PTDSS1: variants seen among roughly 807,000 people sequenced by gnomAD.
The protein encoded by PTDSS1 is phosphatidylserine synthase 1.
PTDSS1 carries 45 observed loss-of-function variants against 70.5 expected under a neutral mutation model. The observed-to-expected ratio is 0.64, with a 90% CI of 0.50 to 0.82. The LOEUF (loss-of-function observed/expected upper bound fraction) is 0.82. Ranked by LOEUF, PTDSS1 falls within the 40% of genes least tolerant of loss-of-function variation. The probability of loss-of-function intolerance (pLI) is 0.00; values close to 1 mark genes in which losing one functional copy is unlikely to be tolerated. For synonymous variants in PTDSS1, 188 were observed against 203.8 expected, an observed-to-expected ratio of 0.92 and a Z score of 0.66; for missense variants, 417 against 586.1, an observed-to-expected ratio of 0.71 and a Z score of 2.98.
intron 1 of PTDSS1, among the ~76,000 whole-genome samples, chr8:96,264,015 A>G (rs573277635): frequency 6.6e-6 from 1 of 152,228 alleles, no homozygotes; most frequent in African/African-American, 2.4e-5. Context: ...TTAATGATTG[A>G]GGGATCTTGC....
Position 96,271,353 on chromosome 8 carries a change from A to G in PTDSS1, c.180-1946A>G, listed in dbSNP as rs961368328. ...TAATGATATCTTTTAAATTATTATG[A>G]ATCAGTTGATTCTTAAAAAGCTTCC... On this transcript the variant is annotated intron_variant, in intron 1 of 12. Coordinates refer to ENST00000517309, the MANE Select transcript of PTDSS1 (RefSeq NM_014754.3). Among the ~76,000 whole-genome samples the G allele has an allele frequency of 2.6e-5, 4 of 152,210 alleles. No individual in the cohort carries two copies. In the South Asian group the frequency reaches 8.3e-4, roughly 31 times the overall value.
At chr8:96,327,559 T>A (rs1811455364) in intron 10 of PTDSS1, among the ~76,000 whole-genome samples, 1 of 152,116 alleles carries the variant, frequency 6.6e-6, no homozygotes, top group South Asian at 2.1e-4. Context: ...GAGCTTCAAG[T>A]TACACCATGC....
chr8:96,263,075 G>T (rs1370772129), intron 1 of PTDSS1, among the ~76,000 whole-genome samples: 1 of 152,168 alleles, frequency 6.6e-6, no homozygotes, highest in East Asian at 1.9e-4. Context: ...ACTGCTGTGT[G>T]TTAAATGAAA....
intron 10 of PTDSS1, among the ~76,000 whole-genome samples, chr8:96,326,384 C>G (rs1380621695): frequency 6.6e-6 from 1 of 152,106 alleles, no homozygotes; most frequent in Non-Finnish European, 1.5e-5. Flanking sequence ...TTCTATCTGT[C>G]TCCTCCACAC....
intron 9 of PTDSS1, among the ~76,000 whole-genome samples, chr8:96,316,246 C>T (rs961423972): frequency 1.3e-5 from 2 of 152,198 alleles, no homozygotes; most frequent in African/African-American, 4.8e-5. Context: ...TCACAGAGTT[C>T]TGTTCAGCCA....
rs147937398 is a variant in PTDSS1, at chr8:96,304,147, T to C, written c.860T>C (p.Val287Ala). ...WFDPKSSFQR[V>A]AGVYLFMIIW... is the part of the protein sequence containing the mutation. ...GACCCCAAATCTTCTTTTCAGAGAG[T>C]AGCTGGAGTGTACCTTTTCATGATC... Residue 287 changes from valine (V) to alanine (A), a missense_variant, in exon 7 of 13, where the codon GTA becomes GCA. Around this residue, in one of 3 missense-constraint regions of PTDSS1, gnomAD observed 272 missense variants for 429.5 expected, o/e 0.63. Transcript: ENST00000517309. 2.0e-4 allele frequency: 319 copies of C among 1,613,582 alleles called. No homozygotes were observed. The highest frequency in any genetic ancestry group is 1.4e-4 in the Non-Finnish European group (160 of 1,179,898).
At chr8:96,267,185 G>A (rs1810499138) in intron 1 of PTDSS1, among the ~76,000 whole-genome samples, 1 of 152,160 alleles carries the variant, frequency 6.6e-6, no homozygotes, top group African/African-American at 2.4e-5. Flanking sequence ...CAGTTTTTCA[G>A]TCTTAACTAA....
intron 4 of PTDSS1, among the ~76,000 whole-genome samples, chr8:96,288,389 A>G (rs1586190759): frequency 6.6e-6 from 1 of 152,080 alleles, no homozygotes; most frequent in Non-Finnish European, 1.5e-5. Flanking sequence ...CAGTGGCACA[A>G]TCTCGGCTCA....
At chr8:96,311,813 G>T (rs942157395) in intron 9 of PTDSS1, among the ~76,000 whole-genome samples, 1 of 152,204 alleles carries the variant, frequency 6.6e-6, no homozygotes, top group African/African-American at 2.4e-5. Context: ...TTCTGACAGC[G>T]CAGAGGTGGC....
chr8:96,318,371 C>G (rs890447802), intron 9 of PTDSS1, among the ~76,000 whole-genome samples: 2 of 151,840 alleles, frequency 1.3e-5, no homozygotes, highest in Non-Finnish European at 2.9e-5. Flanking sequence ...ATTCAGAAAT[C>G]TTTCATAATA....
At chr8:96,312,879 A>G (rs1022436746) in intron 9 of PTDSS1, among the ~76,000 whole-genome samples, 3 of 152,140 alleles carry the variant, frequency 2.0e-5, no homozygotes, top group Admixed American at 6.5e-5. Flanking sequence ...CCATTTTGTC[A>G]TTATTTCCTC....
Position 96,287,153 on chromosome 8 carries a change from A to G in PTDSS1, c.441+7A>G. 6.2e-7 allele frequency: 1 copy of G among 1,613,980 alleles called. No homozygotes were observed. The highest frequency in any genetic ancestry group is 8.5e-7 in the Non-Finnish European group (1 of 1,179,884). On this transcript the variant is annotated splice_region_variant and intron_variant, in intron 4 of 12. Transcript: ENST00000517309. ...AAGGGAAGCAGATGTCATGGTATGT[A>G]CTTGTCAGTGGCCTCTTGGAGAAAC...
chr8:96,261,958 G>C lies in PTDSS1; in HGVS notation c.-83G>C, dbSNP rs758816922. ...ACCCGGCTTTGCCGTCCGGCTATTA[G>C]CCTACTGTGGCTAGTCACCCCCGGG... On this transcript the variant is annotated 5_prime_UTR_variant, in exon 1 of 13. Transcript: ENST00000517309. 4.2e-6 allele frequency: 6 copies of C among 1,425,716 alleles called. No homozygotes were observed. Among genetic ancestry groups the C allele is most frequent in the Non-Finnish European group, 5.7e-6 (6 of 1,051,276 alleles). 88.3% of individuals were successfully genotyped at this position (1,425,716 alleles called of 1,614,324 possible). A position where few individuals can be genotyped will look rare whatever the true frequency, so the allele number is the denominator to read the frequency against.
At position 96,331,466 on chromosome 8, in the gene PTDSS1, T is replaced by G. The variant is rs189828971; in HGVS notation, c.1312+371T>G. ...ATCGCATGAACCTGGAAGGCGGAGG[T>G]TGCCATGAGCCAAGATCGTACCACT... On this transcript the variant is annotated intron_variant, in intron 12 of 12. Transcript: ENST00000517309. Among the ~76,000 whole-genome samples the G allele has an allele frequency of 3.4e-3, 511 of 150,772 alleles. 1 individual carries two copies. The highest frequency in any genetic ancestry group is 5.9e-3 in the Admixed American group (89 of 15,152).
At chr8:96,313,454 A>G (rs559518892) in intron 9 of PTDSS1, among the ~76,000 whole-genome samples, 2 of 152,156 alleles carry the variant, frequency 1.3e-5, no homozygotes, top group African/African-American at 4.8e-5. Context: ...GGTTTATGTC[A>G]TCTTTGTCTT....
chr8:96,330,938 C>T, intron 11 of PTDSS1, 88 bp from the exon 12 acceptor site: 1 of 1,097,784 alleles, frequency 9.1e-7, no homozygotes, highest in Non-Finnish European at 1.4e-6. Flanking sequence ...CTGGGAGAGG[C>T]AGGGATGCAG....
At chr8:96,278,232 C>T (rs1431360711) in intron 2 of PTDSS1, among the ~76,000 whole-genome samples, 1 of 152,226 alleles carries the variant, frequency 6.6e-6, no homozygotes, top group Non-Finnish European at 1.5e-5. Context: ...TGTCTCTTCT[C>T]AACCAGTTCC....
chr8:96,316,226 T>C (rs888327438), intron 9 of PTDSS1, among the ~76,000 whole-genome samples: 1 of 152,158 alleles, frequency 6.6e-6, no homozygotes, highest in Non-Finnish European at 1.5e-5. Flanking sequence ...CTGCTTCTGC[T>C]CTTGTCTTCT....
chr8:96,300,161 G>A (rs1811031393), intron 6 of PTDSS1, among the ~76,000 whole-genome samples: 1 of 151,946 alleles, frequency 6.6e-6, no homozygotes, highest in Non-Finnish European at 1.5e-5. Flanking sequence ...TCCCATCCCT[G>A]GATCAATTCA....
Sources: allele counts gnomAD v4.1 joint callset (sites outside exome capture counted in the v4.1 genomes callset), GRCh38; gene constraint gnomAD v4.1.1; regional missense constraint gnomAD v4.1.1; transcripts MANE v1.5; gene names NCBI Gene and HGNC (gene_info 2026-07-23, HGNC 2026-07-21).